ADNP: variants seen among roughly 807,000 people sequenced by gnomAD.
ADNP encodes the protein activity-dependent neuroprotector homeobox protein.
A neutral mutation model predicts 84.9 loss-of-function variants in ADNP; 4 were observed. The ratio of observed to expected loss-of-function variants is 0.05; its 90% CI spans 0.02 to 0.11. The LOEUF is 0.11. Among genes scored for constraint, ADNP ranks in the 10% least tolerant of loss-of-function variants. ADNP has a pLI of 1.00. For missense variants in ADNP, 1,132 were observed against 1,326.0 expected (o/e 0.85, Z 2.27); for synonymous variants, 554 against 468.1 (o/e 1.18, Z -2.37).
At chr20:50,913,250 C>A (rs558401285) in intron 2 of ADNP, among the ~76,000 whole-genome samples, 1 of 42,892 alleles carries the variant, frequency 2.3e-5, no homozygotes, top group Non-Finnish European at 4.6e-5. Flanking sequence ...GACTCTGTCT[C>A]AAAAAAAAAA....
chr20:50,892,426 G>C lies in ADNP; in HGVS notation c.2288C>G (p.Ser763Cys). The change falls in exon 6 of 6, where the codon TCC (serine) becomes TGC (cysteine). Residue 763 changes from serine (S) to cysteine (C), a missense_variant. Ser to Cys is a moderately radical substitution (Grantham distance 112). Coordinates refer to ENST00000621696, the MANE Select transcript of ADNP (RefSeq NM_001282531.3). ...TAGAAAGCTTTTCCTGGCTTCATAG[G>C]AATCATCTTCATGACCCTTGGGGTC... ...ALDPKGHEDD[S>C]YEARKSFLTK... 6.2e-6 allele frequency: 10 copies of C among 1,614,182 alleles called. No homozygotes were observed. The highest frequency in any genetic ancestry group is 7.6e-6 in the Non-Finnish European group (9 of 1,180,036).
In ADNP at chr20:50,931,084, G is replaced by C. The variant is rs1410183161; in HGVS notation, c.-523C>G. On this transcript the variant is annotated 5_prime_UTR_variant, in exon 1 of 6. Transcript: ENST00000621696. ...AGACAAAGGAGGGGCGGAGGGAGGA[G>C]ACGGAGGGTGTGGGAGAGGCGGCTT... The C allele has an allele frequency of 2.7e-5, 4 of 150,866 alleles. No individual in the cohort carries two copies. The East Asian group carries it at 7.9e-4, about 30-fold the overall frequency. 9.3% of individuals were successfully genotyped at this position (150,866 alleles called of 1,614,324 possible). A position where few individuals can be genotyped will look rare whatever the true frequency, so the allele number is the denominator to read the frequency against.
At chr20:50,923,383 C>G (rs151289793) in intron 2 of ADNP, among the ~76,000 whole-genome samples, 231 of 152,286 alleles carry the variant, frequency 1.5e-3, no homozygotes, top group African/African-American at 5.3e-3. Flanking sequence ...TTTTCGAAGC[C>G]ATTTCCCAGG....
chr20:50,892,153 G>C lies in ADNP; in HGVS notation c.2561C>G (p.Ser854Cys), dbSNP rs376827094. Residue 854 changes from serine to cysteine, a missense_variant, in exon 6 of 6, where the codon TCC becomes TGC. By Grantham distance (112) the Ser-to-Cys change is moderately radical. Coordinates refer to ENST00000621696, the MANE Select transcript of ADNP (RefSeq NM_001282531.3). The stretch of plus-strand genomic sequence containing the variant: ...AGCAGTCTTACTAGCATTGACTCTG[G>C]AATCCTTCTCATCATGATTTTCAAA... ...WLFENHDEKD[S>C]RVNASKTADK... 6.2e-7 allele frequency: 1 copy of C among 1,614,040 alleles called. No homozygotes were observed. Among genetic ancestry groups the C allele is most frequent in the Admixed American group, 1.7e-5 (1 of 60,006 alleles).
intron 4 of ADNP, among the ~76,000 whole-genome samples, chr20:50,902,843 A>G (rs1982118827): frequency 6.6e-6 from 1 of 152,230 alleles, no homozygotes; most frequent in Non-Finnish European, 1.5e-5. Context: ...ATGACCCCAC[A>G]GAGTGCAAAG....
At chr20:50,928,379 T>C (rs544278428) in intron 2 of ADNP, among the ~76,000 whole-genome samples, 2 of 152,332 alleles carry the variant, frequency 1.3e-5, no homozygotes, top group Non-Finnish European at 2.9e-5. Context: ...AAAGTAATAG[T>C]AACTGAATAC....
chr20:50,891,483 A>T lies in ADNP; in HGVS notation c.3231T>A (p.Phe1077Leu). ...STIDSEDGEQ[F>L]DNMTDGVAEP... is the part of the protein sequence containing the mutation. ...CAGCTACTCCATCAGTCATGTTGTC[A>T]AACTGTTCCCCATCCTCACTGTCAA... Residue 1077 changes from phenylalanine to leucine, a missense_variant, in exon 6 of 6, where the codon TTT (phenylalanine) becomes TTA (leucine). Coordinates refer to ENST00000621696, the MANE Select transcript of ADNP (RefSeq NM_001282531.3). The T allele has an allele frequency of 6.2e-7, 1 of 1,612,636 alleles. No homozygotes were observed. Among genetic ancestry groups the T allele is most frequent in the Non-Finnish European group, 8.5e-7 (1 of 1,180,020 alleles).
At chr20:50,895,797 G>C (rs1387525683) in intron 5 of ADNP, among the ~76,000 whole-genome samples, 1 of 152,218 alleles carries the variant, frequency 6.6e-6, no homozygotes, top group African/African-American at 2.4e-5. Flanking sequence ...GCTTCCCAAA[G>C]TGCTGGGATT....
At chr20:50,921,446 C>A (rs1051377784) in intron 2 of ADNP, among the ~76,000 whole-genome samples, 1 of 152,178 alleles carries the variant, frequency 6.6e-6, no homozygotes, top group South Asian at 2.1e-4. Flanking sequence ...TATGTAGAAA[C>A]ATAAAGGTGT....
At position 50,889,231 on chromosome 20, in the gene ADNP, A is replaced by AC. The variant is rs1980392626; in HGVS notation, c.*2173dup. ...GTTCCGATATCCAACTGGGACCTGGACCCCAAGCCCCGTGGTGTCTTGTAC... is the reference window on the plus strand; with the variant it reads ...GTTCCGATATCCAACTGGGACCTGGACCCCCAAGCCCCGTGGTGTCTTGTAC... On this transcript the variant is annotated 3_prime_UTR_variant, in exon 6 of 6. Coordinates refer to ENST00000621696, the MANE Select transcript of ADNP (RefSeq NM_001282531.3). 1 of 152,130 alleles carries AC rather than the reference A, an allele frequency of 6.6e-6. No individual in the cohort carries two copies. The highest frequency in any genetic ancestry group is 6.6e-5 in the Admixed American group (1 of 15,262). The allele number at this position is 152,130 out of a possible 1,614,324, so 9.4% of individuals were successfully genotyped here.
At chr20:50,908,855 T>C (rs1982754122) in intron 2 of ADNP, among the ~76,000 whole-genome samples, 1 of 151,560 alleles carries the variant, frequency 6.6e-6, no homozygotes, top group South Asian at 2.1e-4. Context: ...AACTGAGGGG[T>C]GGGAACAGAA....
chr20:50,920,950 TAG>T (rs1343809849), intron 2 of ADNP, among the ~76,000 whole-genome samples: 1 of 152,192 alleles, frequency 6.6e-6, no homozygotes, highest in Non-Finnish European at 1.5e-5. Context: ...ACCCTACAGT[TAG>T]ACAGATCTGT....
chr20:50,898,893 G>A (rs1981681197), intron 5 of ADNP, among the ~76,000 whole-genome samples: 1 of 152,202 alleles, frequency 6.6e-6, no homozygotes, highest in African/African-American at 2.4e-5. Context: ...GTTTTTAACT[G>A]TCATTATCAG....
intron 1 of ADNP, among the ~76,000 whole-genome samples, chr20:50,930,298 A>G (rs886907372): frequency 2.0e-5 from 3 of 152,076 alleles, no homozygotes; most frequent in African/African-American, 4.8e-5. Flanking sequence ...GTTGGGGAAG[A>G]AGGATTGCAC....
In ADNP at chr20:50,931,144, G is replaced by T. The variant is rs1263364024; in HGVS notation, c.-583C>A. On this transcript the variant is annotated 5_prime_UTR_variant, in exon 1 of 6. Transcript: ENST00000621696. Reference sequence around the variant, plus strand: ...GGGCGGCGGCGGCCGCGCTCCTCTCGCTCCTCAGCAGCGGGGACCGAGAGA... The same window carrying T: ...GGGCGGCGGCGGCCGCGCTCCTCTCTCTCCTCAGCAGCGGGGACCGAGAGA... 1 of 152,058 alleles carries T rather than the reference G, an allele frequency of 6.6e-6. No homozygotes were observed. Among genetic ancestry groups the T allele is most frequent in the Non-Finnish European group, 1.5e-5 (1 of 67,984 alleles). 9.4% of individuals were successfully genotyped at this position (152,058 alleles called of 1,614,324 possible). A position where few individuals can be genotyped will look rare whatever the true frequency, so the allele number is the denominator to read the frequency against.
chr20:50,890,922 T>C lies in ADNP; in HGVS notation c.*483A>G, dbSNP rs914621426. The C allele has an allele frequency of 7.6e-5, 75 of 985,686 alleles. No homozygotes were observed. The highest frequency in any genetic ancestry group is 8.6e-5 in the Non-Finnish European group (71 of 830,112). 61.1% of individuals were successfully genotyped at this position (985,686 alleles called of 1,614,324 possible). ...ACAGTAACAGGATCATGAGCATCAC[T>C]TGAATAGGTCTAAAAGACTGTACAA... On this transcript the variant is annotated 3_prime_UTR_variant, in exon 6 of 6. Coordinates refer to ENST00000621696, the MANE Select transcript of ADNP (RefSeq NM_001282531.3).
At chr20:50,919,289 GTGTA>G (rs56792180) in intron 2 of ADNP, among the ~76,000 whole-genome samples, 2,956 of 64,676 alleles carry the variant, frequency 0.046, 213 homozygotes, top group African/African-American at 0.15. Flanking sequence ...ATATATTTAA[GTGTA>G]TATATATATA....
intron 2 of ADNP, among the ~76,000 whole-genome samples, chr20:50,906,082 C>T (rs751177395): frequency 1.3e-5 from 2 of 152,088 alleles, no homozygotes; most frequent in Non-Finnish European, 2.9e-5. Flanking sequence ...CGTAGTGGCA[C>T]GTGCCTGTAA....
chr20:50,910,746 C>T (rs1249929817), intron 2 of ADNP, among the ~76,000 whole-genome samples: 1 of 152,138 alleles, frequency 6.6e-6, no homozygotes, highest in Non-Finnish European at 1.5e-5. Flanking sequence ...CCTCAATTCT[C>T]CAGGCTCAAG....
Sources: allele counts gnomAD v4.1 joint callset (sites outside exome capture counted in the v4.1 genomes callset), GRCh38; gene constraint gnomAD v4.1.1; transcripts MANE v1.5; gene names NCBI Gene and HGNC (gene_info 2026-07-23, HGNC 2026-07-21).